The following OSBPL2 variants were observed in gnomAD, a reference collection of about 807,000 sequenced individuals.
OSBPL2 encodes the protein oxysterol-binding protein-related protein 2.
Under a neutral mutation model 58.4 loss-of-function variants are expected in OSBPL2, and 18 were observed. The ratio of observed to expected loss-of-function variants is 0.31; its 90% CI spans 0.21 to 0.46. The LOEUF (loss-of-function observed/expected upper bound fraction) is 0.46, where lower values mean the gene tolerates loss of function less well. OSBPL2 is among the 20% of genes least tolerant of loss of function. The pLI is 1.00. For synonymous variants in OSBPL2, 221 were observed against 234.1 expected (o/e 0.94, Z 0.51); for missense variants, 461 against 616.5 (o/e 0.75, Z 2.67).
rs1031262663 is a variant in OSBPL2 at position 62,294,057 on chromosome 20, A to G, written c.*170A>G. On this transcript the variant is annotated 3_prime_UTR_variant, in exon 14 of 14. Coordinates refer to ENST00000313733, the MANE Select transcript of OSBPL2 (RefSeq NM_144498.4). ...AATTCTAATTAACTGTTGATTGCCA[A>G]ACATTTCACTCTGCTGTGCCGTCTC... 68 of 837,948 alleles carry G rather than the reference A, an allele frequency of 8.1e-5. No homozygotes were observed. The highest frequency in any genetic ancestry group is 1.2e-4 in the Non-Finnish European group (65 of 564,278). The allele number at this position is 837,948 out of a possible 1,614,324, so 51.9% of individuals were successfully genotyped here.
intron 6 of OSBPL2, 23 bp from the exon 7 acceptor site, chr20:62,279,130 GTCTC>G: frequency 1.3e-6 from 2 of 1,583,454 alleles, no homozygotes; most frequent in Non-Finnish European, 1.7e-6. Context: ...CCATTAATGT[GTCTC>G]TCTTTTTTAT....
chr20:62,279,834 A>C (rs958848002), intron 7 of OSBPL2: 3 of 537,202 alleles, frequency 5.6e-6, no homozygotes, highest in Admixed American at 1.3e-4. Context: ...TGCCTCCCAC[A>C]GGGGGAGAGA....
rs532132230 is a variant in OSBPL2 at position 62,281,283 on chromosome 20, G to A, written c.782+118G>A. ...TAGCTCAGCCTCACGAGCTGCTGCC[G>A]TGTCCCCGCCAGCCCAGGCATAGCA... On this transcript the variant is annotated intron_variant, in intron 8 of 13. Transcript: ENST00000313733. 1.7e-4 allele frequency: 119 copies of A among 688,824 alleles called. 1 individual carries two copies. In the South Asian group the frequency reaches 1.9e-3, roughly 11 times the overall value. The allele number at this position is 688,824 out of a possible 1,614,324, so 42.7% of individuals were successfully genotyped here.
At chr20:62,279,128 G>A (rs761002868) in intron 6 of OSBPL2, 29 bp from the exon 7 acceptor site, 2 of 1,580,036 alleles carry the variant, frequency 1.3e-6, no homozygotes, top group Non-Finnish European at 1.7e-6. Flanking sequence ...TGCCATTAAT[G>A]TGTCTCTCTT....
intron 3 of OSBPL2, among the ~76,000 whole-genome samples, chr20:62,261,842 T>C (rs1377124733): frequency 6.6e-6 from 1 of 152,186 alleles, no homozygotes; most frequent in African/African-American, 2.4e-5. Context: ...CTCGGAAACC[T>C]CTGCCTCCCA....
chr20:62,282,433 G>T (rs1356266785), intron 9 of OSBPL2, among the ~76,000 whole-genome samples: 2 of 152,046 alleles, frequency 1.3e-5, no homozygotes, highest in South Asian at 2.1e-4. Flanking sequence ...TTGTAATCTG[G>T]GTCTCACATT....
chr20:62,250,711 A>T (rs1474736231), intron 1 of OSBPL2, among the ~76,000 whole-genome samples: 1 of 152,160 alleles, frequency 6.6e-6, no homozygotes, highest in Non-Finnish European at 1.5e-5. Flanking sequence ...ACTTGAGTCC[A>T]GGAGTTCAGC....
chr20:62,251,865 C>CTTTTTTTTTTGTTTTTTTTTTTTT (rs1980568108), intron 1 of OSBPL2, among the ~76,000 whole-genome samples: 1 of 41,738 alleles, frequency 2.4e-5, no homozygotes, highest in Non-Finnish European at 4.0e-5. Flanking sequence ...ATTGGTATGC[C>CTTTTTTTTTTGTTTTTTTTTTTTT]TTTTTTTTTT....
At chr20:62,246,704 T>TCAGCCCCTGC (rs1568824032) in intron 1 of OSBPL2, among the ~76,000 whole-genome samples, 3 of 152,140 alleles carry the variant, frequency 2.0e-5, no homozygotes, top group Admixed American at 1.3e-4. Context: ...TGCGCCCCTG[T>TCAGCCCCTGC]CCCTCAGCCC....
intron 6 of OSBPL2, among the ~76,000 whole-genome samples, chr20:62,277,051 C>T (rs918337846): frequency 1.3e-5 from 2 of 151,802 alleles, no homozygotes; most frequent in Admixed American, 6.6e-5. Context: ...GAGTTCGAGA[C>T]TAGCCTGGCC....
At chr20:62,262,083 A>G (rs1365307820) in intron 3 of OSBPL2, among the ~76,000 whole-genome samples, 2 of 142,160 alleles carry the variant, frequency 1.4e-5, no homozygotes, top group South Asian at 2.4e-4. Flanking sequence ...ACAGATCTGG[A>G]CCCCCCCCCC....
At chr20:62,246,880 G>A (rs1240079620) in intron 1 of OSBPL2, among the ~76,000 whole-genome samples, 2 of 152,198 alleles carry the variant, frequency 1.3e-5, no homozygotes, top group Non-Finnish European at 2.9e-5. Flanking sequence ...TCCACAGAGA[G>A]CTAATTCTGT....
At chr20:62,280,083 A>C in intron 7 of OSBPL2, 1 of 1,304,276 alleles carries the variant, frequency 7.7e-7, no homozygotes, top group Non-Finnish European at 1.0e-6. Context: ...ACAGACACAG[A>C]CCGGATGCTG....
At chr20:62,262,002 C>T (rs1041051624) in intron 3 of OSBPL2, among the ~76,000 whole-genome samples, 1 of 152,114 alleles carries the variant, frequency 6.6e-6, no homozygotes, top group African/African-American at 2.4e-5. Context: ...GATCCACCTG[C>T]CTCGGCCTCC....
intron 1 of OSBPL2, among the ~76,000 whole-genome samples, chr20:62,243,348 G>A (rs1402160050): frequency 2.0e-5 from 3 of 152,218 alleles, no homozygotes; most frequent in East Asian, 1.9e-4. Flanking sequence ...ACACCTGAGC[G>A]GAAGCAGAGC....
intron 2 of OSBPL2, 120 bp from the exon 3 acceptor site, chr20:62,259,861 G>A (rs1414315246): frequency 1.0e-5 from 9 of 859,542 alleles, no homozygotes; most frequent in Middle Eastern, 2.3e-4. Flanking sequence ...TCTTCCAAAT[G>A]TGTCCGTTCA....
In OSBPL2 at chr20:62,288,488, G is replaced by T. The variant is rs970203457; in HGVS notation, c.1126-719G>T. On this transcript the variant is annotated intron_variant, in intron 11 of 13. Transcript: ENST00000313733. The surrounding 1 kb of genome is among the most constrained non-coding windows in gnomAD (Gnocchi z 4.8). ...AGAGGCCGGAGGCTGTGGGTGCAGA[G>T]GCTGGGAGGCTGTGGGTGCAGAGGC... is the stretch of plus-strand genomic sequence containing the variant. Among the ~76,000 whole-genome samples the T allele has an allele frequency of 1.3e-5, 2 of 150,408 alleles. No individual in the cohort carries two copies. Among genetic ancestry groups the T allele is most frequent in the African/African-American group, 2.5e-5 (1 of 40,750 alleles).
rs914900165 is a variant in OSBPL2 at position 62,256,762 on chromosome 20, G to A, written c.37+541G>A. ...AAGAAAATGAAGACCGTGTTGCAGG[G>A]CTCATGGGCATGTGACGGGGCGGCT... On this transcript the variant is annotated intron_variant, in intron 2 of 13. Transcript: ENST00000313733. Among the ~76,000 whole-genome samples the A allele has an allele frequency of 2.6e-5, 4 of 152,258 alleles. No homozygotes were observed. In the East Asian group the frequency reaches 5.8e-4, roughly 22 times the overall value.
intron 1 of OSBPL2, 92 bp downstream of exon 1, chr20:62,238,689 G>A (rs1979494485): frequency 1.3e-5 from 2 of 149,002 alleles, no homozygotes; most frequent in African/African-American, 2.4e-5. Flanking sequence ...CCGGGGCGGG[G>A]AGGGGAGGGC....
Sources: gnomAD v4.1 joint callset for allele counts (sites outside exome capture counted in the v4.1 genomes callset) on GRCh38, gnomAD v4.1.1 for gene constraint, Gnocchi (gnomAD v3.1) non-coding constraint, MANE v1.5 for transcripts, NCBI Gene and HGNC (gene_info 2026-07-23, HGNC 2026-07-21) for gene names.